The following TENM3 variants were observed in gnomAD, a reference collection of about 807,000 sequenced individuals.
The protein encoded by TENM3 is teneurin-3.
In TENM3, 63 loss-of-function variants were observed where a neutral mutation model predicts 255.1. The observed-to-expected ratio is 0.25, with a 90% confidence interval of 0.20 to 0.30. The LOEUF (loss-of-function observed/expected upper bound fraction) is 0.30, where lower values mean the gene tolerates loss of function less well. Among genes scored for constraint, TENM3 ranks in the 10% least tolerant of loss-of-function variants. The pLI is 1.00. For synonymous variants in TENM3, 1,306 were observed against 1,322.3 expected, an observed-to-expected ratio of 0.99 and a Z score of 0.27; for missense variants, 2,929 against 3,461.1, an observed-to-expected ratio of 0.85 and a Z score of 3.86.
chr4:182,422,910 C>G (rs1440980684), intron 3 of TENM3, among the ~76,000 whole-genome samples: 1 of 152,146 alleles, frequency 6.6e-6, no homozygotes, highest in Non-Finnish European at 1.5e-5. Flanking sequence ...CATGGAAAGT[C>G]TAAGTTGCGG....
At chr4:182,295,168 T>G (rs1761385886) in intron 1 of TENM3, among the ~76,000 whole-genome samples, 1 of 151,244 alleles carries the variant, frequency 6.6e-6, no homozygotes, top group Non-Finnish European at 1.5e-5. Context: ...CCTGGAAAGA[T>G]AAAAAGTGAT....
chr4:182,454,035 G>C (rs987935477), intron 3 of TENM3, among the ~76,000 whole-genome samples: 1 of 152,094 alleles, frequency 6.6e-6, no homozygotes, highest in African/African-American at 2.4e-5. Context: ...TTTGTTCAGG[G>C]AAATGCTGAA....
At chr4:182,105,582 G>T in the TENM3 span, among the ~76,000 whole-genome samples, 5 of 152,170 alleles carry the variant, frequency 3.3e-5, no homozygotes. Flanking sequence ...ACGTAGGGCC[G>T]AGGCTGCGGA....
chr4:182,007,906 C>T, the TENM3 span, among the ~76,000 whole-genome samples: 1 of 152,162 alleles, frequency 6.6e-6, no homozygotes, highest in East Asian at 1.9e-4. Flanking sequence ...GGAGCTCTTG[C>T]AGGCCAGACC....
At chr4:182,774,897 T>C (rs1361918444) in intron 23 of TENM3, 21 bp from the exon 24 acceptor site, 2 of 1,550,260 alleles carry the variant, frequency 1.3e-6, no homozygotes, top group Non-Finnish European at 1.8e-6. Context: ...TAGTTCATGT[T>C]TTGTGCTTCT....
intron 2 of TENM3, among the ~76,000 whole-genome samples, chr4:182,325,795 T>C (rs1472677854): frequency 6.6e-6 from 1 of 152,110 alleles, no homozygotes. Context: ...TGGAATATTA[T>C]TCGAAGGAAA....
chr4:182,228,045 G>A (rs980702880), intron 1 of TENM3, among the ~76,000 whole-genome samples: 2 of 152,112 alleles, frequency 1.3e-5, no homozygotes, highest in African/African-American at 2.4e-5. Context: ...CAGAGATTGA[G>A]AATAAAATAG....
chr4:181,653,115 T>C, the TENM3 span, among the ~76,000 whole-genome samples: 9 of 152,148 alleles, frequency 5.9e-5, no homozygotes, highest in Non-Finnish European at 5.9e-5. Flanking sequence ...CAGGCACCAC[T>C]CCAAACACTG....
At chr4:182,430,156 C>T (rs1226637462) in intron 3 of TENM3, among the ~76,000 whole-genome samples, 1 of 152,056 alleles carries the variant, frequency 6.6e-6, no homozygotes, top group Non-Finnish European at 1.5e-5. Context: ...GATTCATTTG[C>T]ATTTGCTAGT....
chr4:182,111,381 A>G, the TENM3 span, among the ~76,000 whole-genome samples: 1 of 152,058 alleles, frequency 6.6e-6, no homozygotes, highest in Non-Finnish European at 1.5e-5. Context: ...TAATTCATGG[A>G]TCATAGACAT....
the TENM3 span, among the ~76,000 whole-genome samples, chr4:181,769,835 C>A: frequency 6.6e-6 from 1 of 152,146 alleles, no homozygotes; most frequent in Non-Finnish European, 1.5e-5. Flanking sequence ...ATTTACTACA[C>A]CCCTTTTGTG....
At position 182,327,539 on chromosome 4, in the gene TENM3, A is replaced by C. The variant is rs375388958; in HGVS notation, c.232+3287A>C. ...GAATTTAATGGTTTTGTATGGCTTT[A>C]CTGACTGGCAGGTGACTACTGTTAA... On this transcript the variant is annotated intron_variant, in intron 2 of 27. Transcript: ENST00000511685. Among the ~76,000 whole-genome samples, 14 of 152,334 alleles carry C rather than the reference A, an allele frequency of 9.2e-5. No individual in the cohort carries two copies. In the East Asian group the frequency reaches 2.3e-3, roughly 25 times the overall value.
the TENM3 span, chr4:181,820,093 A>G: frequency 6.6e-6 from 1 of 152,238 alleles, no homozygotes; most frequent in Non-Finnish European, 1.5e-5. Context: ...TGTACACAGA[A>G]GATGAGTGGC....
At chr4:181,902,884 A>G in the TENM3 span, among the ~76,000 whole-genome samples, 25 of 152,210 alleles carry the variant, frequency 1.6e-4, no homozygotes, top group South Asian at 6.2e-4. Flanking sequence ...TTTTTTTCAC[A>G]TGATACTGAG....
intron 3 of TENM3, among the ~76,000 whole-genome samples, chr4:182,409,828 C>CT (rs57478182): frequency 1.7e-3 from 239 of 143,730 alleles, no homozygotes; most frequent in East Asian, 5.2e-3. Context: ...TTTCTTTTTT[C>CT]TTTTTTTTTT....
At chr4:182,367,466 G>A (rs1012887324) in intron 3 of TENM3, among the ~76,000 whole-genome samples, 1 of 152,174 alleles carries the variant, frequency 6.6e-6, no homozygotes, top group African/African-American at 2.4e-5. Flanking sequence ...ATTACGATGA[G>A]CTTGGAATTG....
intron 22 of TENM3, among the ~76,000 whole-genome samples, chr4:182,768,914 T>C (rs975402886): frequency 6.6e-6 from 1 of 152,188 alleles, no homozygotes; most frequent in Non-Finnish European, 1.5e-5. Context: ...TGCTGTGTTA[T>C]GAATTTGAAA....
the TENM3 span, among the ~76,000 whole-genome samples, chr4:181,862,148 T>C: frequency 2.7e-3 from 409 of 152,242 alleles, 9 homozygotes; most frequent in African/African-American, 9.6e-3. Flanking sequence ...AAAGCATTTC[T>C]TAAAGACAAA....
At chr4:181,687,765 G>A in the TENM3 span, among the ~76,000 whole-genome samples, 1 of 152,104 alleles carries the variant, frequency 6.6e-6, no homozygotes, top group Non-Finnish European at 1.5e-5. Context: ...TGAGTTAGTA[G>A]TAAAGCCTGG....
Sources: allele counts gnomAD v4.1 joint callset (sites outside exome capture counted in the v4.1 genomes callset), GRCh38; gene constraint gnomAD v4.1.1; transcripts MANE v1.5; gene names NCBI Gene and HGNC (gene_info 2026-07-23, HGNC 2026-07-21).